The following GFOD1 variants were observed in gnomAD, a reference collection of about 807,000 sequenced individuals.
GFOD1 encodes the protein Gfo/Idh/MocA-like oxidoreductase domain containing 1.
Under a neutral mutation model 25.4 loss-of-function variants are expected in GFOD1, and 9 were observed. That is an observed-to-expected ratio of 0.35 (90% CI 0.21 to 0.62). The LOEUF (loss-of-function observed/expected upper bound fraction) is 0.62. GFOD1 is among the 20% of genes least tolerant of loss of function. The pLI, the probability that GFOD1 is intolerant of heterozygous loss-of-function variation, is 0.72. For synonymous variants in GFOD1, 253 were observed against 245.6 expected, an observed-to-expected ratio of 1.03 and a Z score of -0.28; for missense variants, 403 against 556.9, an observed-to-expected ratio of 0.72 and a Z score of 2.78.
chr6:13,396,821 G>A (rs541025053), intron 1 of GFOD1, among the ~76,000 whole-genome samples: 5 of 152,258 alleles, frequency 3.3e-5, no homozygotes, highest in African/African-American at 1.2e-4. Context: ...GCAGGAACAC[G>A]GCCCTGCCAG....
Position 13,365,714 on chromosome 6 carries a change from C to T in GFOD1, c.254-52G>A, listed in dbSNP as rs767301230. On this transcript the variant is annotated intron_variant, in intron 1 of 1. Transcript: ENST00000379287. This position sits in a 1 kb window ranked among gnomAD's most constrained non-coding sequence, Gnocchi z 9.2. ...AGCGGGGCAGGACCATGTCCGAGCG[C>T]GCGTCCCTGGGTCAGATCTTAAAAT... 5.1e-5 allele frequency: 64 copies of T among 1,262,144 alleles called. No individual in the cohort carries two copies. The Middle Eastern group carries it at 9.5e-4, about 19-fold the overall frequency. The allele number at this position is 1,262,144 out of a possible 1,614,324, so 78.2% of individuals were successfully genotyped here.
chr6:13,411,456 T>G (rs1452194077), intron 1 of GFOD1, among the ~76,000 whole-genome samples: 1 of 152,048 alleles, frequency 6.6e-6, no homozygotes, highest in Non-Finnish European at 1.5e-5. Flanking sequence ...CATGCCTGGC[T>G]AATTTTTGTA....
chr6:13,475,395 G>A (rs747387156), intron 1 of GFOD1, among the ~76,000 whole-genome samples: 4 of 151,914 alleles, frequency 2.6e-5, no homozygotes, highest in Non-Finnish European at 5.9e-5. Context: ...CCAACATGGT[G>A]AAAACCCATC....
chr6:13,435,827 T>G (rs1303892700), intron 1 of GFOD1, among the ~76,000 whole-genome samples: 2 of 152,388 alleles, frequency 1.3e-5, no homozygotes, highest in South Asian at 2.1e-4. Flanking sequence ...CAGCTAGCTA[T>G]GTTTTTAAAA....
At chr6:13,483,336 G>C (rs1758795981) in intron 1 of GFOD1, among the ~76,000 whole-genome samples, 1 of 152,142 alleles carries the variant, frequency 6.6e-6, no homozygotes, top group Non-Finnish European at 1.5e-5. Flanking sequence ...TGCGCCAACA[G>C]GGCCCATTCA....
chr6:13,478,104 C>T (rs1371057745), intron 1 of GFOD1, among the ~76,000 whole-genome samples: 9 of 151,088 alleles, frequency 6.0e-5, no homozygotes, highest in South Asian at 2.1e-4. Context: ...AAAAAACCTA[C>T]ACAATCAAGA....
chr6:13,422,236 G>C (rs1012113150), intron 1 of GFOD1, among the ~76,000 whole-genome samples: 2 of 152,170 alleles, frequency 1.3e-5, no homozygotes, highest in African/African-American at 4.8e-5. Flanking sequence ...AAGCTCATTT[G>C]TATGTTTTGT....
chr6:13,465,852 A>C (rs1466397579), intron 1 of GFOD1, among the ~76,000 whole-genome samples: 1 of 152,220 alleles, frequency 6.6e-6, no homozygotes, highest in Non-Finnish European at 1.5e-5. Flanking sequence ...CATGTGCACT[A>C]TCAGCACATT....
intron 1 of GFOD1, among the ~76,000 whole-genome samples, chr6:13,410,577 G>GGGGAGAGAGA (rs1398916063): frequency 7.0e-5 from 9 of 128,086 alleles, no homozygotes; most frequent in Admixed American, 2.3e-4. Context: ...AAGAAAGAAA[G>GGGGAGAGAGA]GAGAGAGAGA....
chr6:13,432,430 A>T (rs1757765762), intron 1 of GFOD1, among the ~76,000 whole-genome samples: 4 of 151,894 alleles, frequency 2.6e-5, no homozygotes, highest in Admixed American at 2.6e-4. Context: ...TTGGTCTCAA[A>T]ATCCTTGGCT....
At position 13,368,553 on chromosome 6, in the gene GFOD1, C is replaced by T. The variant is rs73364965; in HGVS notation, c.254-2891G>A. ...TCACTGCAGGGACAGGTGATAAATA[C>T]TGCCAAAATCTGCCTCACACCCATT... is the stretch of plus-strand genomic sequence containing the variant. On this transcript the variant is annotated intron_variant, in intron 1 of 1. Coordinates refer to ENST00000379287, the MANE Select transcript of GFOD1 (RefSeq NM_018988.4). 2.0e-3 allele frequency among the ~76,000 whole-genome samples: 305 copies of T among 152,014 alleles called. 1 individual carries two copies. Among genetic ancestry groups the T allele is most frequent in the African/African-American group, 7.1e-3 (292 of 41,292 alleles).
chr6:13,449,738 T>C (rs1215939010), intron 1 of GFOD1, among the ~76,000 whole-genome samples: 3 of 152,210 alleles, frequency 2.0e-5, no homozygotes, highest in Admixed American at 6.5e-5. Flanking sequence ...CCTGCCACCA[T>C]GTAAGATGTG....
chr6:13,390,245 G>C (rs1785560503), intron 1 of GFOD1, among the ~76,000 whole-genome samples: 1 of 152,212 alleles, frequency 6.6e-6, no homozygotes, highest in African/African-American at 2.4e-5. Context: ...TTACAGTGAG[G>C]TAGTTCCTCC....
At chr6:13,474,415 A>AT (rs966068078) in intron 1 of GFOD1, among the ~76,000 whole-genome samples, 14 of 152,172 alleles carry the variant, frequency 9.2e-5, no homozygotes, top group African/African-American at 3.4e-4. Flanking sequence ...TAAAAATGCC[A>AT]TTTTTTTCCC....
chr6:13,365,921 A>G lies in GFOD1; in HGVS notation c.254-259T>C, dbSNP rs1004365019. Among the ~76,000 whole-genome samples, 6 of 125,916 alleles carry G rather than the reference A, an allele frequency of 4.8e-5. No homozygotes were observed. Among genetic ancestry groups the G allele is most frequent in the East Asian group, 2.5e-4 (1 of 3,934 alleles). The allele number at this position is 125,916 out of a possible 152,430, so 82.6% of individuals were successfully genotyped here. A position where few individuals can be genotyped will look rare whatever the true frequency, so the allele number is the denominator to read the frequency against. On this transcript the variant is annotated intron_variant, in intron 1 of 1. Transcript: ENST00000379287. The surrounding 1 kb of genome is among the most constrained non-coding windows in gnomAD (Gnocchi z 9.2). Reference sequence around the variant, plus strand: ...TAATAATAATAATAATAATAATAATAATGAGCCGGGCGTGGTGGTGCACGC... The same window carrying G: ...TAATAATAATAATAATAATAATAATGATGAGCCGGGCGTGGTGGTGCACGC...
At chr6:13,469,850 G>T in intron 1 of GFOD1, 2 of 1,173,962 alleles carry the variant, frequency 1.7e-6, no homozygotes, top group Non-Finnish European at 2.3e-6. Context: ...GCCATGAGAC[G>T]TAAATGAGTA....
intron 1 of GFOD1, among the ~76,000 whole-genome samples, chr6:13,378,799 A>T (rs891858033): frequency 6.6e-6 from 1 of 152,160 alleles, no homozygotes; most frequent in South Asian, 2.1e-4. Context: ...CTAGGAACGC[A>T]TGTCCTTGGA....
At chr6:13,406,095 T>C (rs765626128) in intron 1 of GFOD1, among the ~76,000 whole-genome samples, 1 of 152,198 alleles carries the variant, frequency 6.6e-6, no homozygotes, top group Non-Finnish European at 1.5e-5. Context: ...CTGTTATATT[T>C]TGGGTCCTTT....
At position 13,365,049 on chromosome 6, in the gene GFOD1, C is replaced by G; in HGVS notation, c.867G>C (p.Leu289=). 1 of 1,610,914 alleles carries G rather than the reference C, an allele frequency of 6.2e-7. No individual in the cohort carries two copies. Among genetic ancestry groups the G allele is most frequent in the Non-Finnish European group, 8.5e-7 (1 of 1,179,912 alleles). ...VQDATPVSNS[L]LPEKAFSDIP... The stretch of plus-strand genomic sequence containing the variant: ...TGTCGCTGAAGGCCTTCTCCGGAAG[C>G]AGGGAGTTGCTCACCGGCGTGGCGT... Residue 289 remains leucine (L), a synonymous_variant, in exon 2 of 2, where the codon CTG becomes CTC. Coordinates refer to ENST00000379287, the MANE Select transcript of GFOD1 (RefSeq NM_018988.4). This position sits in a 1 kb window ranked among gnomAD's most constrained non-coding sequence, Gnocchi z 9.2.
Sources: allele counts gnomAD v4.1 joint callset (sites outside exome capture counted in the v4.1 genomes callset), GRCh38; gene constraint gnomAD v4.1.1; non-coding constraint Gnocchi (gnomAD v3.1); transcripts MANE v1.5; gene names NCBI Gene and HGNC (gene_info 2026-07-23, HGNC 2026-07-21).